Variants in BABAM2 observed in about 807,000 individuals in gnomAD.
BABAM2 encodes the protein BRISC and BRCA1 A complex member 2.
Under a neutral mutation model 54.7 loss-of-function variants are expected in BABAM2, and 31 were observed. That is an observed-to-expected ratio of 0.57 (90% CI 0.43 to 0.77). BABAM2 has a LOEUF of 0.77. BABAM2 is among the 30% of genes least tolerant of loss of function. BABAM2 has a pLI of 0.00. For missense variants in BABAM2, 364 were observed against 455.8 expected (o/e 0.80, Z 1.83); for synonymous variants, 167 against 162.9 (o/e 1.03, Z -0.19).
chr2:28,025,141 C>T, intron 4 of BABAM2, 85 bp from the exon 5 acceptor site: 2 of 1,227,896 alleles, frequency 1.6e-6, no homozygotes, highest in Non-Finnish European at 2.3e-6. Flanking sequence ...TTACTCTTTT[C>T]CTCTACATTG....
chr2:28,245,255 A>T (rs1038510356), intron 10 of BABAM2, among the ~76,000 whole-genome samples: 3 of 152,096 alleles, frequency 2.0e-5, no homozygotes, highest in African/African-American at 7.2e-5. Context: ...GAGAAACCTT[A>T]CCCTAAACAG....
At chr2:28,214,604 G>A (rs1558441955) in intron 7 of BABAM2, among the ~76,000 whole-genome samples, 1 of 152,026 alleles carries the variant, frequency 6.6e-6, no homozygotes, top group African/African-American at 2.4e-5. Flanking sequence ...GCATTGGCTA[G>A]GACTTCCAAT....
At chr2:28,092,983 A>G (rs1420970338) in intron 6 of BABAM2, among the ~76,000 whole-genome samples, 1 of 152,104 alleles carries the variant, frequency 6.6e-6, no homozygotes, top group Non-Finnish European at 1.5e-5. Context: ...ATCATTCTTT[A>G]TGATTATCAT....
intron 10 of BABAM2, among the ~76,000 whole-genome samples, chr2:28,253,385 G>C (rs1221992924): frequency 6.7e-6 from 1 of 148,450 alleles, no homozygotes; most frequent in Non-Finnish European, 1.5e-5. Flanking sequence ...CTGTGTGACA[G>C]AGCAAGACTT....
intron 7 of BABAM2, among the ~76,000 whole-genome samples, chr2:28,132,329 G>A (rs1670160407): frequency 6.6e-6 from 1 of 151,694 alleles, no homozygotes; most frequent in African/African-American, 2.4e-5. Context: ...TAGTAGAGAC[G>A]GGGTTTCACC....
intron 3 of BABAM2, among the ~76,000 whole-genome samples, chr2:27,942,790 A>AAATT (rs1553396779): frequency 1.3e-5 from 1 of 78,442 alleles, no homozygotes; most frequent in Non-Finnish European, 2.5e-5. Flanking sequence ...CTTTCTTAAA[A>AAATT]AATTTATTTA....
chr2:28,017,011 G>A (rs1260064540), intron 4 of BABAM2, among the ~76,000 whole-genome samples: 1 of 152,154 alleles, frequency 6.6e-6, no homozygotes, highest in Non-Finnish European at 1.5e-5. Context: ...GCTCTGAATA[G>A]TCCCAAAGTT....
intron 6 of BABAM2, among the ~76,000 whole-genome samples, chr2:28,111,211 G>A (rs1667992464): frequency 6.7e-6 from 1 of 149,370 alleles, no homozygotes; most frequent in African/African-American, 2.5e-5. Flanking sequence ...TCGAACCCCT[G>A]ACCTTGCAAT....
At chr2:27,928,990 A>T (rs1474490021) in intron 2 of BABAM2, among the ~76,000 whole-genome samples, 1 of 144,426 alleles carries the variant, frequency 6.9e-6, no homozygotes, top group Non-Finnish European at 1.5e-5. Context: ...AGGTGGGAGG[A>T]GGATCACTTG....
chr2:28,010,609 T>A (rs1005140891), intron 4 of BABAM2, among the ~76,000 whole-genome samples: 1 of 152,152 alleles, frequency 6.6e-6, no homozygotes, highest in Non-Finnish European at 1.5e-5. Flanking sequence ...TATTTTCTTA[T>A]TATTCTTTAT....
chr2:28,163,372 A>G (rs900466311), intron 7 of BABAM2, among the ~76,000 whole-genome samples: 5 of 152,190 alleles, frequency 3.3e-5, no homozygotes, highest in African/African-American at 1.2e-4. Flanking sequence ...TATGTGGAGT[A>G]AGTCAGTAGC....
chr2:28,204,379 G>A (rs959473512), intron 7 of BABAM2, among the ~76,000 whole-genome samples: 6 of 152,182 alleles, frequency 3.9e-5, no homozygotes, highest in South Asian at 2.1e-4. Flanking sequence ...TTCTAGAACC[G>A]TTCTGATCTC....
intron 7 of BABAM2, among the ~76,000 whole-genome samples, chr2:28,182,662 A>T (rs931092482): frequency 6.6e-6 from 1 of 152,232 alleles, no homozygotes; most frequent in Non-Finnish European, 1.5e-5. Context: ...GTTACTGCGG[A>T]CTGCAAATTC....
chr2:28,290,582 G>A (rs996410705), intron 10 of BABAM2, among the ~76,000 whole-genome samples: 6 of 152,280 alleles, frequency 3.9e-5, no homozygotes, highest in East Asian at 3.9e-4. Flanking sequence ...TGTGTCATGC[G>A]CTGTACTAAG....
intron 6 of BABAM2, among the ~76,000 whole-genome samples, chr2:28,120,964 G>T (rs1181770446): frequency 6.6e-6 from 1 of 152,178 alleles, no homozygotes; most frequent in Non-Finnish European, 1.5e-5. Flanking sequence ...TATAAAGAGT[G>T]GCCCATTTTG....
intron 7 of BABAM2, among the ~76,000 whole-genome samples, chr2:28,205,021 ATT>A (rs1678687657): frequency 6.6e-6 from 1 of 151,098 alleles, no homozygotes; most frequent in African/African-American, 2.4e-5. Flanking sequence ...TTCTGCTGTC[ATT>A]CTTTTCTATT....
At chr2:28,268,682 C>A (rs1037186654) in intron 10 of BABAM2, among the ~76,000 whole-genome samples, 1 of 152,224 alleles carries the variant, frequency 6.6e-6, no homozygotes, top group African/African-American at 2.4e-5. Flanking sequence ...AGTTGACCCA[C>A]ACTGGGGTGG....
chr2:28,229,297 A>G (rs1401708324), intron 7 of BABAM2, among the ~76,000 whole-genome samples: 1 of 152,262 alleles, frequency 6.6e-6, no homozygotes, highest in East Asian at 1.9e-4. Context: ...GACCTTAGAG[A>G]GGTTCTATAG....
chr2:28,297,768 A>G lies in BABAM2; in HGVS notation c.935-570A>G, dbSNP rs144828393. Among the ~76,000 whole-genome samples, 10 of 152,306 alleles carry G rather than the reference A, an allele frequency of 6.6e-5. No individual in the cohort carries two copies. The East Asian group carries it at 1.9e-3, about 29-fold the overall frequency. ...CTGCTTGATTGGAAGTAGAGTGATA[A>G]CTTCATTTTTCCTGGTAGTCTGGTT... On this transcript the variant is annotated intron_variant, in intron 10 of 11. Transcript: ENST00000379624.
Sources: allele counts gnomAD v4.1 joint callset (sites outside exome capture counted in the v4.1 genomes callset), GRCh38; gene constraint gnomAD v4.1.1; transcripts MANE v1.5; gene names NCBI Gene and HGNC (gene_info 2026-07-23, HGNC 2026-07-21).